PKIB: variants seen among roughly 807,000 people sequenced by gnomAD.
PKIB encodes PKI-beta.
A neutral mutation model predicts 4.5 loss-of-function variants in PKIB; 2 were observed. That is an observed-to-expected ratio of 0.44 (90% confidence interval 0.18 to 1.39). PKIB has a LOEUF of 1.39. Ranked by LOEUF, PKIB falls within the 40% of genes most tolerant of loss-of-function variation. The pLI is 0.27. For synonymous variants in PKIB, 38 were observed against 36.0 expected, an observed-to-expected ratio of 1.06 and a Z score of -0.20; for missense variants, 94 against 92.6, an observed-to-expected ratio of 1.02 and a Z score of -0.06.
Position 122,576,710 on chromosome 6 carries a change from A to ATATATTTTT in PKIB, c.-247-9210_-247-9209insATATTTTTT, listed in dbSNP as rs59569106. 1.7e-3 allele frequency among the ~76,000 whole-genome samples: 186 copies of ATATATTTTT among 109,896 alleles called. 3 individuals are homozygous for ATATATTTTT. In the East Asian group the frequency reaches 0.026, roughly 15 times the overall value. 72.1% of individuals were successfully genotyped at this position (109,896 alleles called of 152,430 possible). On this transcript the variant is annotated intron_variant, in intron 2 of 6. Transcript: ENST00000392491. ...AAAAAATATATATATATATATATAT[A>ATATATTTTT]TTTTCTTTTGTATAATTATACCTCA...
intron 2 of PKIB, among the ~76,000 whole-genome samples, chr6:122,664,442 T>C (rs957007205): frequency 2.0e-5 from 3 of 152,198 alleles, no homozygotes; most frequent in Non-Finnish European, 2.9e-5. Flanking sequence ...GACGGGTTTT[T>C]CTCTATCACC....
chr6:122,587,268 C>A (rs1370606215), intron 3 of PKIB, among the ~76,000 whole-genome samples: 1 of 151,860 alleles, frequency 6.6e-6, no homozygotes, highest in African/African-American at 2.4e-5. Flanking sequence ...TGAGTGAGAA[C>A]ATGCGGTGTT....
chr6:122,680,127 A>G (rs572413946), intron 3 of PKIB, among the ~76,000 whole-genome samples: 1 of 152,232 alleles, frequency 6.6e-6, no homozygotes, highest in Non-Finnish European at 1.5e-5. Flanking sequence ...TGAAAAATCA[A>G]TTCACAAAGG....
At chr6:122,541,416 G>T (rs1161070644) in intron 2 of PKIB, among the ~76,000 whole-genome samples, 2 of 151,748 alleles carry the variant, frequency 1.3e-5, no homozygotes, top group African/African-American at 4.9e-5. Context: ...TGTCTGTAAA[G>T]TATTTTATTT....
chr6:122,483,116 G>T (rs1775673217), intron 2 of PKIB: 1 of 152,018 alleles, frequency 6.6e-6, no homozygotes, highest in South Asian at 2.1e-4. Flanking sequence ...TTTTTTAAAA[G>T]AATTATTTGT....
chr6:122,666,842 A>G (rs148769647), intron 2 of PKIB, among the ~76,000 whole-genome samples: 2 of 152,276 alleles, frequency 1.3e-5, no homozygotes, highest in East Asian at 3.9e-4. Context: ...AACCACTACT[A>G]CTAGTATTAA....
At chr6:122,576,619 A>G (rs1773537610) in intron 2 of PKIB, among the ~76,000 whole-genome samples, 1 of 137,330 alleles carries the variant, frequency 7.3e-6, no homozygotes, top group African/African-American at 2.7e-5. Flanking sequence ...AGTGAAGCCC[A>G]GATGGCGCCA....
chr6:122,709,573 A>G (rs148806664), intron 3 of PKIB, among the ~76,000 whole-genome samples: 1 of 152,040 alleles, frequency 6.6e-6, no homozygotes, highest in Non-Finnish European at 1.5e-5. Flanking sequence ...ATGAGTATAA[A>G]ATGAGTTGCA....
intron 2 of PKIB, among the ~76,000 whole-genome samples, chr6:122,512,276 A>T (rs1274317306): frequency 6.6e-6 from 1 of 152,140 alleles, no homozygotes; most frequent in Non-Finnish European, 1.5e-5. Flanking sequence ...TATTCTTGGG[A>T]TCTGTGGCTG....
intron 3 of PKIB, among the ~76,000 whole-genome samples, chr6:122,690,640 T>C (rs1443528069): frequency 6.6e-6 from 1 of 152,126 alleles, no homozygotes; most frequent in Non-Finnish European, 1.5e-5. Context: ...TCAGTTATTA[T>C]TTTTGATTGG....
chr6:122,679,030 C>G (rs1018958112), intron 3 of PKIB, among the ~76,000 whole-genome samples: 1 of 152,148 alleles, frequency 6.6e-6, no homozygotes, highest in Non-Finnish European at 1.5e-5. Flanking sequence ...TCTCAGCAAT[C>G]CAGTCAGACT....
At chr6:122,674,478 C>G (rs1777593000) in intron 2 of PKIB, among the ~76,000 whole-genome samples, 1 of 152,040 alleles carries the variant, frequency 6.6e-6, no homozygotes, top group East Asian at 1.9e-4. Context: ...CCTTCTTATG[C>G]CAGATGCTAA....
chr6:122,555,271 A>G (rs750642373), intron 2 of PKIB, among the ~76,000 whole-genome samples: 17 of 152,176 alleles, frequency 1.1e-4, no homozygotes, highest in Non-Finnish European at 1.9e-4. Flanking sequence ...TTTTCAGCAG[A>G]AGGACCAAGA....
At chr6:122,662,481 AT>A (rs915977463) in intron 2 of PKIB, among the ~76,000 whole-genome samples, 57 of 144,838 alleles carry the variant, frequency 3.9e-4, no homozygotes, top group African/African-American at 8.1e-4. Context: ...GTGCCCAGCT[AT>A]TTTTTTTTTG....
At chr6:122,475,385 G>A (rs1476888814) in intron 1 of PKIB, among the ~76,000 whole-genome samples, 2 of 152,222 alleles carry the variant, frequency 1.3e-5, no homozygotes, top group Admixed American at 1.3e-4. Context: ...GCTGGGTGCA[G>A]TGACTCACAT....
chr6:122,688,536 C>A (rs1038862886), intron 3 of PKIB, among the ~76,000 whole-genome samples: 15 of 151,282 alleles, frequency 9.9e-5, no homozygotes, highest in African/African-American at 3.6e-4. Context: ...GGTATTAGTT[C>A]TTCTTTAAAT....
At chr6:122,598,608 A>G (rs1244406105) in intron 3 of PKIB, among the ~76,000 whole-genome samples, 1 of 152,166 alleles carries the variant, frequency 6.6e-6, no homozygotes, top group Non-Finnish European at 1.5e-5. Flanking sequence ...GGTGAAGGGT[A>G]TATCTTCTGT....
intron 2 of PKIB, among the ~76,000 whole-genome samples, chr6:122,511,157 A>G (rs1776573624): frequency 2.0e-5 from 3 of 152,136 alleles, no homozygotes; most frequent in African/African-American, 7.2e-5. Flanking sequence ...AGCAATGACC[A>G]AACTGACCAA....
At chr6:122,680,249 A>C (rs1156994582) in intron 3 of PKIB, among the ~76,000 whole-genome samples, 1 of 152,234 alleles carries the variant, frequency 6.6e-6, no homozygotes, top group Non-Finnish European at 1.5e-5. Context: ...GCTTAGGTTC[A>C]AAAAAGTATG....
Sources: allele counts gnomAD v4.1 joint callset (sites outside exome capture counted in the v4.1 genomes callset), GRCh38; gene constraint gnomAD v4.1.1; transcripts MANE v1.5; gene names NCBI Gene and HGNC (gene_info 2026-07-23, HGNC 2026-07-21).